NAALADL2: variants seen among roughly 807,000 people sequenced by gnomAD.
The protein encoded by NAALADL2 is inactive N-acetylated-alpha-linked acidic dipeptidase-like protein 2.
Under a neutral mutation model 87.2 loss-of-function variants are expected in NAALADL2, and 76 were observed. The observed-to-expected ratio is 0.87, with a 90% CI of 0.72 to 1.05. The LOEUF is 1.05. Among genes scored for constraint, NAALADL2 ranks in the 50% least tolerant of loss-of-function variants. The pLI, the probability that NAALADL2 is intolerant of heterozygous loss-of-function variation, is 0.00. For missense variants in NAALADL2, 1,089 were observed against 945.8 expected, an observed-to-expected ratio of 1.15 and a Z score of -1.99; for synonymous variants, 354 against 331.0, an observed-to-expected ratio of 1.07 and a Z score of -0.75.
At chr3:174,914,085 C>T (rs1035369683) in intron 1 of NAALADL2, among the ~76,000 whole-genome samples, 5 of 147,602 alleles carry the variant, frequency 3.4e-5, no homozygotes, top group South Asian at 4.3e-4. Flanking sequence ...TAATTAGAGA[C>T]GGAGTCTCAC....
intron 1 of NAALADL2, among the ~76,000 whole-genome samples, chr3:175,056,231 A>T (rs116270120): frequency 0.2 from 30,445 of 151,964 alleles, 3,725 homozygotes; most frequent in African/African-American, 0.34. Context: ...CCACTTTAGC[A>T]TTAGCTGGCA....
At chr3:175,087,779 G>T (rs967147830) in intron 1 of NAALADL2, among the ~76,000 whole-genome samples, 1 of 151,752 alleles carries the variant, frequency 6.6e-6, no homozygotes, top group Non-Finnish European at 1.5e-5. Flanking sequence ...GCAAAAGGCC[G>T]CAGGGTCCTC....
intron 3 of NAALADL2, among the ~76,000 whole-genome samples, chr3:174,741,473 T>A (rs1468699924): frequency 6.6e-6 from 1 of 151,646 alleles, no homozygotes; most frequent in Non-Finnish European, 1.5e-5. Context: ...GTAGAAATGG[T>A]AATTTTTGTA....
chr3:175,226,195 G>A (rs74937354), intron 2 of NAALADL2, among the ~76,000 whole-genome samples: 3,923 of 152,134 alleles, frequency 0.026, 66 homozygotes, highest in Non-Finnish European at 0.042. Flanking sequence ...AGACTATTAC[G>A]TTCTCTGGCA....
intron 1 of NAALADL2, among the ~76,000 whole-genome samples, chr3:174,520,089 T>G (rs1382779580): frequency 6.6e-6 from 1 of 152,172 alleles, no homozygotes; most frequent in Admixed American, 6.5e-5. Context: ...GAAAAAACAT[T>G]CCTTGCTCAT....
chr3:174,660,950 A>G (rs1725445781), intron 2 of NAALADL2, among the ~76,000 whole-genome samples: 1 of 152,308 alleles, frequency 6.6e-6, no homozygotes, highest in Non-Finnish European at 1.5e-5. Flanking sequence ...GAGAACTGCC[A>G]AGAAAATCCA....
intron 11 of NAALADL2, among the ~76,000 whole-genome samples, chr3:175,662,583 G>T (rs76550661): frequency 6.6e-6 from 1 of 151,834 alleles, no homozygotes; most frequent in Non-Finnish European, 1.5e-5. Flanking sequence ...TAATGAAAAG[G>T]CTTTCATTTT....
intron 4 of NAALADL2, among the ~76,000 whole-genome samples, chr3:175,265,471 A>G (rs1470683631): frequency 6.6e-6 from 1 of 151,612 alleles, no homozygotes; most frequent in African/African-American, 2.4e-5. Context: ...TATGGCTCTA[A>G]GTTCTCGCTC....
rs1298952149 is a variant in NAALADL2, at chr3:175,413,597, G to A, written c.1091-33632G>A. ...AAAAAAAAAAAAATCCCAAACATGT[G>A]CTATATGGTAATGTTGAGGATATGA... On this transcript the variant is annotated intron_variant, in intron 5 of 13. Coordinates refer to ENST00000454872, the MANE Select transcript of NAALADL2 (RefSeq NM_207015.3). 6.1e-5 allele frequency among the ~76,000 whole-genome samples: 9 copies of A among 147,184 alleles called. 1 individual carries two copies. The highest frequency in any genetic ancestry group is 4.1e-4 in the Admixed American group (6 of 14,724).
intron 5 of NAALADL2, among the ~76,000 whole-genome samples, chr3:175,349,206 T>TAAA (rs1763473196): frequency 1.6e-5 from 1 of 62,740 alleles, no homozygotes; most frequent in East Asian, 5.1e-4. Context: ...ACAACTGCTA[T>TAAA]TAAAAAAAAA....
chr3:174,937,448 C>A (rs1406392004), intron 1 of NAALADL2, among the ~76,000 whole-genome samples: 1 of 152,020 alleles, frequency 6.6e-6, no homozygotes, highest in African/African-American at 2.4e-5. Flanking sequence ...CAATTTCTTT[C>A]ACTTCCGTCC....
chr3:175,753,789 G>A (rs960786741), intron 12 of NAALADL2, among the ~76,000 whole-genome samples: 3 of 152,146 alleles, frequency 2.0e-5, no homozygotes, highest in Non-Finnish European at 2.9e-5. Context: ...GAGTCCTTTT[G>A]TGATGTTTCC....
chr3:174,860,089 G>A (rs905490556), intron 1 of NAALADL2, among the ~76,000 whole-genome samples: 2 of 151,918 alleles, frequency 1.3e-5, no homozygotes, highest in African/African-American at 4.8e-5. Flanking sequence ...ATTTAAGGTC[G>A]CTCACATTTC....
intron 4 of NAALADL2, among the ~76,000 whole-genome samples, chr3:175,279,219 C>T (rs974618497): frequency 7.9e-5 from 12 of 152,090 alleles, no homozygotes; most frequent in Non-Finnish European, 1.6e-4. Flanking sequence ...TATATGGGAC[C>T]CTAGGGCAAG....
chr3:174,633,188 C>A (rs947578851), intron 2 of NAALADL2, among the ~76,000 whole-genome samples: 1 of 151,572 alleles, frequency 6.6e-6, no homozygotes, highest in South Asian at 2.1e-4. Context: ...CAAAAAAAAA[C>A]AGTCTTAAAA....
chr3:174,896,018 A>T (rs1237558501), intron 1 of NAALADL2, among the ~76,000 whole-genome samples: 2 of 152,150 alleles, frequency 1.3e-5, no homozygotes, highest in Non-Finnish European at 2.9e-5. Flanking sequence ...AATCTTAAAA[A>T]ACTGGGTATA....
chr3:174,526,678 CTTT>C (rs11333906), intron 1 of NAALADL2, among the ~76,000 whole-genome samples: 8 of 138,284 alleles, frequency 5.8e-5, no homozygotes, highest in Non-Finnish European at 6.3e-5. Flanking sequence ...TTTTCTTTTT[CTTT>C]TTTTTTTTTT....
chr3:175,386,701 A>C (rs1313709151), intron 5 of NAALADL2, among the ~76,000 whole-genome samples: 1 of 152,146 alleles, frequency 6.6e-6, no homozygotes, highest in South Asian at 2.1e-4. Context: ...TCTGGTTAGA[A>C]TAATGAAGTG....
Position 175,324,036 on chromosome 3 carries a change from AAAAAAAAG to A in NAALADL2, c.940-133_940-126del, listed in dbSNP as rs764018576. 6.5e-3 allele frequency: 4,261 copies of A among 652,986 alleles called. 11 individuals carry two copies. The highest frequency in any genetic ancestry group is 8.1e-3 in the Non-Finnish European group (3,253 of 402,372). The allele number at this position is 652,986 out of a possible 1,614,324, so 40.4% of individuals were successfully genotyped here. A position where few individuals can be genotyped will look rare whatever the true frequency, so the allele number is the denominator to read the frequency against. ...CCATCTCAAAAAACAAACAAAAAAA[AAAAAAAAG>A]AAAAAGAAAAAGAAAAAGAAAAAAA... On this transcript the variant is annotated intron_variant, in intron 4 of 13. Transcript: ENST00000454872.
Sources: allele counts gnomAD v4.1 joint callset (sites outside exome capture counted in the v4.1 genomes callset), GRCh38; gene constraint gnomAD v4.1.1; transcripts MANE v1.5; gene names NCBI Gene and HGNC (gene_info 2026-07-23, HGNC 2026-07-21).